The following HDAC11 variants were observed in gnomAD, a reference collection of about 807,000 sequenced individuals.
HDAC11 encodes the protein histone deacetylase 11.
In HDAC11, 23 loss-of-function variants were observed where a neutral mutation model predicts 41.1. The observed-to-expected ratio is 0.56, with a 90% CI of 0.40 to 0.79. The LOEUF is 0.79. Among genes scored for constraint, HDAC11 ranks in the 30% least tolerant of loss-of-function variants. HDAC11 has a pLI of 0.00. For missense variants in HDAC11, 402 were observed against 477.3 expected, an observed-to-expected ratio of 0.84 and a Z score of 1.47; for synonymous variants, 187 against 186.6, an observed-to-expected ratio of 1.00 and a Z score of -0.02.
chr3:13,502,194 C>A lies in HDAC11; in HGVS notation c.552+261C>A. Reference sequence around the variant, plus strand: ...CTTCCTGAAGCCCACTCTGATGGGACTGCTCTCGTGTGCAGAGCTCTGCTG... The same window carrying A: ...CTTCCTGAAGCCCACTCTGATGGGAATGCTCTCGTGTGCAGAGCTCTGCTG... On this transcript the variant is annotated intron_variant, in intron 7 of 9. Coordinates refer to ENST00000295757, the MANE Select transcript of HDAC11 (RefSeq NM_024827.4). The surrounding 1 kb of genome is among the most constrained non-coding windows in gnomAD (Gnocchi z 4.1). 1 of 518,424 alleles carries A rather than the reference C, an allele frequency of 1.9e-6. No individual in the cohort carries two copies. The highest frequency in any genetic ancestry group is 3.5e-6 in the Non-Finnish European group (1 of 288,984). The allele number at this position is 518,424 out of a possible 1,614,324, so 32.1% of individuals were successfully genotyped here.
At position 13,496,771 on chromosome 3, in the gene HDAC11, C is replaced by T. The variant is rs1351129271; in HGVS notation, c.288C>T (p.Pro96=). The T allele has an allele frequency of 1.2e-6, 2 of 1,608,592 alleles. No individual in the cohort carries two copies. The highest frequency in any genetic ancestry group is 3.4e-5 in the Admixed American group (2 of 59,350). ...SFAVATITEI[P]PVIFLPNFLV... Reference sequence around the variant, plus strand: ...CTGTTGCTACCATCACAGAAATCCCCCCCGTTATCTTCCTCCCCAACTTCC... The same window carrying T: ...CTGTTGCTACCATCACAGAAATCCCTCCCGTTATCTTCCTCCCCAACTTCC... Residue 96 remains proline (P), a synonymous_variant, in exon 4 of 10, where the codon CCC becomes CCT. Coordinates refer to ENST00000295757, the MANE Select transcript of HDAC11 (RefSeq NM_024827.4).
Position 13,504,510 on chromosome 3 carries a change from GGCC to G in HDAC11, c.876_878del (p.Arg293del). On this transcript the variant is annotated inframe_deletion, in exon 10 of 10. Coordinates refer to ENST00000295757, the MANE Select transcript of HDAC11 (RefSeq NM_024827.4). ...TGAGCTGGTGTTCCGGATGGTCCGT[GGCC>G]GCCGGGTGCCCATCCTTATGGTGAC... 6.2e-7 allele frequency: 1 copy of G among 1,613,484 alleles called. No homozygotes were observed. The highest frequency in any genetic ancestry group is 8.5e-7 in the Non-Finnish European group (1 of 1,180,028).
chr3:13,500,410 C>T (rs1298186528), intron 5 of HDAC11, among the ~76,000 whole-genome samples: 1 of 152,172 alleles, frequency 6.6e-6, no homozygotes, highest in Non-Finnish European at 1.5e-5. Context: ...CCACATGGAG[C>T]CAGGCCCAGC....
At position 13,504,921 on chromosome 3, in the gene HDAC11, A is replaced by T. The variant is rs1474241788; in HGVS notation, c.*238A>T. 1.0e-5 allele frequency: 6 copies of T among 584,330 alleles called. No individual in the cohort carries two copies. The highest frequency in any genetic ancestry group is 1.8e-5 in the Non-Finnish European group (6 of 327,572). 36.2% of individuals were successfully genotyped at this position (584,330 alleles called of 1,614,324 possible). ...CTGTGTCCCAGGGGGACCCACACGAAGTCACCAGCCCATAGGTCCAGGGAG... is the reference window on the plus strand; with the variant it reads ...CTGTGTCCCAGGGGGACCCACACGATGTCACCAGCCCATAGGTCCAGGGAG... On this transcript the variant is annotated 3_prime_UTR_variant, in exon 10 of 10. Transcript: ENST00000295757.
Position 13,483,451 on chromosome 3 carries a change from T to C in HDAC11, c.152-13T>C. 1.2e-6 allele frequency: 2 copies of C among 1,612,446 alleles called. No homozygotes were observed. The highest frequency in any genetic ancestry group is 1.7e-6 in the Non-Finnish European group (2 of 1,178,568). The stretch of plus-strand genomic sequence containing the variant: ...GTCAGTGGGGAAGCAGGATGCTCCC[T>C]CTGTGGTTTCAGAAGAGAAGCTTCT... On this transcript the variant is annotated splice_polypyrimidine_tract_variant and intron_variant, in intron 2 of 9. Transcript: ENST00000295757.
At chr3:13,487,991 A>C (rs898104451) in intron 3 of HDAC11, among the ~76,000 whole-genome samples, 2 of 151,770 alleles carry the variant, frequency 1.3e-5, no homozygotes, top group African/African-American at 4.8e-5. Flanking sequence ...CACAGGTGAC[A>C]TGTGGGAAGG....
Position 13,496,756 on chromosome 3 carries a change from C to T in HDAC11, c.273C>T (p.Thr91=), listed in dbSNP as rs776917157. The T allele has an allele frequency of 1.2e-6, 2 of 1,606,638 alleles. No individual in the cohort carries two copies. The highest frequency in any genetic ancestry group is 2.3e-5 in the East Asian group (1 of 43,738). The change falls in exon 4 of 10, where the codon ACC becomes ACT. Residue 91 remains threonine, a synonymous_variant. Transcript: ENST00000295757. ...CGCAGTGGTCCTTTGCTGTTGCTACCATCACAGAAATCCCCCCCGTTATCT... is the reference window on the plus strand; with the variant it reads ...CGCAGTGGTCCTTTGCTGTTGCTACTATCACAGAAATCCCCCCCGTTATCT... The part of the protein sequence containing the change: ...NELKWSFAVA[T]ITEIPPVIFL...
chr3:13,480,620 G>T lies in HDAC11; in HGVS notation c.2+271G>T. The T allele has an allele frequency of 2.8e-6, 1 of 353,180 alleles. No individual in the cohort carries two copies. The highest frequency in any genetic ancestry group is 5.6e-6 in the Non-Finnish European group (1 of 177,194). 21.9% of individuals were successfully genotyped at this position (353,180 alleles called of 1,614,324 possible). A position where few individuals can be genotyped will look rare whatever the true frequency, so the allele number is the denominator to read the frequency against. On this transcript the variant is annotated intron_variant, in intron 1 of 9. Coordinates refer to ENST00000295757, the MANE Select transcript of HDAC11 (RefSeq NM_024827.4). The surrounding 1 kb of genome is among the most constrained non-coding windows in gnomAD (Gnocchi z 4.6). ...GTCGGGCGATGTGCGCGGGTCTGAC[G>T]TCTGCGCTGCCCAGCCCCCTGGCTA...
At chr3:13,492,585 C>T (rs752568933) in intron 3 of HDAC11, among the ~76,000 whole-genome samples, 4 of 152,110 alleles carry the variant, frequency 2.6e-5, no homozygotes, top group Non-Finnish European at 4.4e-5. Flanking sequence ...CACTCTGTCA[C>T]CCAGGCTGGA....
In HDAC11 at chr3:13,492,646, G is replaced by A. The variant is rs558667529; in HGVS notation, c.253-4090G>A. 1.4e-4 allele frequency among the ~76,000 whole-genome samples: 22 copies of A among 152,242 alleles called. No homozygotes were observed. The South Asian group carries it at 4.6e-3, about 32-fold the overall frequency. On this transcript the variant is annotated intron_variant, in intron 3 of 9. Coordinates refer to ENST00000295757, the MANE Select transcript of HDAC11 (RefSeq NM_024827.4). ...TGCAACCTCCACCCCTTGGGTTGAA[G>A]AGATTCTCCTCCCTCGCCTCCTGAG...
In HDAC11 at chr3:13,504,254, G is replaced by A; in HGVS notation, c.810G>A (p.Gly270=). The part of the protein sequence containing the change: ...TDILEGDRLG[G]LSISPAGIVK... ...TCCTCGAGGGGGACCGCCTTGGGGG[G>A]CTGTCCATCAGCCCAGCGGTACGTC... Residue 270 remains glycine (G), a synonymous_variant, in exon 9 of 10, where the codon GGG becomes GGA. Coordinates refer to ENST00000295757, the MANE Select transcript of HDAC11 (RefSeq NM_024827.4). The A allele has an allele frequency of 6.2e-7, 1 of 1,613,422 alleles. No homozygotes were observed. The highest frequency in any genetic ancestry group is 2.2e-5 in the East Asian group (1 of 44,884).
chr3:13,498,555 G>T lies in HDAC11; in HGVS notation c.412G>T (p.Gly138Trp). 6.2e-7 allele frequency: 1 copy of T among 1,614,026 alleles called. No homozygotes were observed. The highest frequency in any genetic ancestry group is 8.5e-7 in the Non-Finnish European group (1 of 1,180,018). Residue 138 changes from glycine (G) to tryptophan (W), a missense_variant and splice_region_variant, in exon 5 of 10, where the codon GGG becomes TGG. Physicochemically the swap from Gly to Trp is radical, Grantham distance 184 (BLOSUM62 -2). Coordinates refer to ENST00000295757, the MANE Select transcript of HDAC11 (RefSeq NM_024827.4). ...AVERGWAINV[G>W]GGFHHCSSDR... is the part of the protein sequence containing the mutation. ...GGAGCGAGGCTGGGCCATCAACGTGGGTGAGTGCTGGGAATGTCCTCGGGA... is the reference window on the plus strand; with the variant it reads ...GGAGCGAGGCTGGGCCATCAACGTGTGTGAGTGCTGGGAATGTCCTCGGGA...
rs1352082616 is a variant in HDAC11 at position 13,504,092 on chromosome 3, A to G, written c.650-2A>G. 2 of 1,613,716 alleles carry G rather than the reference A, an allele frequency of 1.2e-6. No individual in the cohort carries two copies. The highest frequency in any genetic ancestry group is 1.7e-6 in the Non-Finnish European group (2 of 1,179,946). On this transcript the variant is annotated splice_acceptor_variant, in intron 8 of 9. Coordinates refer to ENST00000295757, the MANE Select transcript of HDAC11 (RefSeq NM_024827.4). LOFTEE classifies it high-confidence loss of function. ...TTGAGGCCATCCATGTCTCTCTCCC[A>G]GAGGCCATCAGGCGGAAGGTGGAGC...
Position 13,481,278 on chromosome 3 carries a change from C to T in HDAC11, c.35C>T (p.Pro12Leu). ...ACAACCCAGCTGTACCAGCATGTGC[C>T]AGAGACACGCTGGCCAATCGTGTAC... ...LHTTQLYQHV[P>L]ETRWPIVYSP... Residue 12 changes from proline to leucine, a missense_variant, in exon 2 of 10, where the codon CCA becomes CTA. Transcript: ENST00000295757. 2 of 1,612,596 alleles carry T rather than the reference C, an allele frequency of 1.2e-6. No homozygotes were observed. Among genetic ancestry groups the T allele is most frequent in the Non-Finnish European group, 1.7e-6 (2 of 1,179,998 alleles).
intron 3 of HDAC11, among the ~76,000 whole-genome samples, chr3:13,485,554 G>A (rs572002608): frequency 2.0e-5 from 3 of 152,326 alleles, no homozygotes; most frequent in South Asian, 4.1e-4. Context: ...GCCTTCAGGG[G>A]AACTGTGTTG....
At chr3:13,499,670 G>T (rs1330960703) in intron 5 of HDAC11, among the ~76,000 whole-genome samples, 1 of 152,200 alleles carries the variant, frequency 6.6e-6, no homozygotes, top group Non-Finnish European at 1.5e-5. Context: ...TGCAGGGGCT[G>T]GGTCTCTTCC....
intron 4 of HDAC11, among the ~76,000 whole-genome samples, chr3:13,497,854 CTTTT>C (rs10667297): frequency 3.8e-5 from 4 of 106,078 alleles, no homozygotes; most frequent in African/African-American, 1.5e-4. Context: ...TCTTTTTTTG[CTTTT>C]TTTTTTTTTT....
chr3:13,506,368 CA>C lies in HDAC11; in HGVS notation c.*1687del, dbSNP rs1417448587. The C allele has an allele frequency of 6.6e-6, 1 of 152,266 alleles. No homozygotes were observed. Among genetic ancestry groups the C allele is most frequent in the Non-Finnish European group, 1.5e-5 (1 of 68,086 alleles). 9.4% of individuals were successfully genotyped at this position (152,266 alleles called of 1,614,324 possible). ...ATGAAAATGGAAAGTTCTTGTAGCGCAAGGCCTGACATGGGTAGCTGCTCAA... is the reference window on the plus strand; with the variant it reads ...ATGAAAATGGAAAGTTCTTGTAGCGCAGGCCTGACATGGGTAGCTGCTCAA... On this transcript the variant is annotated 3_prime_UTR_variant, in exon 10 of 10. Coordinates refer to ENST00000295757, the MANE Select transcript of HDAC11 (RefSeq NM_024827.4).
Position 13,504,023 on chromosome 3 carries a change from T to A in HDAC11, c.650-71T>A. 4 of 1,412,400 alleles carry A rather than the reference T, an allele frequency of 2.8e-6. No individual in the cohort carries two copies. In the South Asian group the frequency reaches 5.1e-5, roughly 18 times the overall value. 87.5% of individuals were successfully genotyped at this position (1,412,400 alleles called of 1,614,324 possible). Reference sequence around the variant, plus strand: ...CAGACCAGTTTCCAGTCTTGCCTGGTGTCCACAGTCTTGTCCTGAGCCTCA... The same window carrying A: ...CAGACCAGTTTCCAGTCTTGCCTGGAGTCCACAGTCTTGTCCTGAGCCTCA... On this transcript the variant is annotated intron_variant, in intron 8 of 9. Transcript: ENST00000295757.
Sources: gnomAD v4.1 joint callset for allele counts (sites outside exome capture counted in the v4.1 genomes callset) on GRCh38, gnomAD v4.1.1 for gene constraint, Gnocchi (gnomAD v3.1) non-coding constraint, MANE v1.5 for transcripts, NCBI Gene and HGNC (gene_info 2026-07-23, HGNC 2026-07-21) for gene names.